PTPRM: variants seen among roughly 807,000 people sequenced by gnomAD.
PTPRM encodes receptor-type tyrosine-protein phosphatase mu.
Under a neutral mutation model 186.7 loss-of-function variants are expected in PTPRM, and 47 were observed. The observed-to-expected ratio is 0.25, with a 90% CI of 0.20 to 0.32. PTPRM has a LOEUF of 0.32. Among genes scored for constraint, PTPRM ranks in the 10% least tolerant of loss-of-function variants. The pLI, the probability that PTPRM is intolerant of heterozygous loss-of-function variation, is 1.00. For missense variants in PTPRM, 1,494 were observed against 1,865.0 expected (o/e 0.80, Z 3.66); for synonymous variants, 668 against 674.9 (o/e 0.99, Z 0.16).
At chr18:8,373,087 T>C (rs374321376) in intron 24 of PTPRM, among the ~76,000 whole-genome samples, 4 of 152,332 alleles carry the variant, frequency 2.6e-5, no homozygotes, top group African/African-American at 7.2e-5. Flanking sequence ...TGTTAATGCA[T>C]TTGGGGAAAT....
At chr18:8,351,641 G>C (rs1253890890) in intron 23 of PTPRM, among the ~76,000 whole-genome samples, 1 of 152,188 alleles carries the variant, frequency 6.6e-6, no homozygotes, top group Non-Finnish European at 1.5e-5. Flanking sequence ...CTTCAATTCT[G>C]TAGGTCATGA....
intron 5 of PTPRM, among the ~76,000 whole-genome samples, chr18:7,944,689 A>C (rs1210996991): frequency 6.6e-6 from 1 of 152,084 alleles, no homozygotes; most frequent in Non-Finnish European, 1.5e-5. Context: ...TAGTTCTCCT[A>C]AAGTTCCCCC....
In PTPRM at chr18:7,612,385, A is replaced by G. The variant is rs147787496; in HGVS notation, c.73+44494A>G. ...TCACGGCCTCATTTTTCACTGCATC[A>G]GATAATTTAAGTCTACGTTCTGGGC... On this transcript the variant is annotated intron_variant, in intron 1 of 32. Transcript: ENST00000580170. 2.8e-3 allele frequency among the ~76,000 whole-genome samples: 419 copies of G among 152,242 alleles called. 2 individuals are homozygous for G. The highest frequency in any genetic ancestry group is 9.7e-3 in the African/African-American group (403 of 41,530).
intron 14 of PTPRM, among the ~76,000 whole-genome samples, chr18:8,211,465 G>A (rs1337506770): frequency 4.8e-5 from 7 of 145,476 alleles, no homozygotes; most frequent in Non-Finnish European, 1.0e-4. Context: ...GTGCAGTGGT[G>A]TGATCTCGGC....
chr18:7,890,875 T>C (rs1025594470), intron 3 of PTPRM, among the ~76,000 whole-genome samples: 3 of 152,220 alleles, frequency 2.0e-5, no homozygotes, highest in Non-Finnish European at 4.4e-5. Flanking sequence ...CATTTAAGGT[T>C]ATGTTGTTAA....
chr18:7,855,668 C>T (rs1423071165), intron 2 of PTPRM, among the ~76,000 whole-genome samples: 1 of 152,190 alleles, frequency 6.6e-6, no homozygotes, highest in Non-Finnish European at 1.5e-5. Flanking sequence ...TGTGGATGAG[C>T]TTCTTGGTAA....
At chr18:8,094,307 A>G (rs1260596711) in intron 11 of PTPRM, among the ~76,000 whole-genome samples, 1 of 152,090 alleles carries the variant, frequency 6.6e-6, no homozygotes, top group Non-Finnish European at 1.5e-5. Flanking sequence ...CAGGAAGTCA[A>G]GGCAGCAGTG....
chr18:7,768,648 AT>A (rs5822981), intron 1 of PTPRM, among the ~76,000 whole-genome samples: 76,594 of 136,762 alleles, frequency 0.56, 21,285 homozygotes, highest in East Asian at 0.93. Context: ...ATATATATAT[AT>A]TTTTTTTTTT....
chr18:8,136,574 A>G (rs1300086184), intron 13 of PTPRM, among the ~76,000 whole-genome samples: 1 of 152,240 alleles, frequency 6.6e-6, no homozygotes, highest in African/African-American at 2.4e-5. Flanking sequence ...TACATTGTAT[A>G]TGCTCTGTTT....
intron 32 of PTPRM, chr18:8,403,770 G>A (rs534667429): frequency 6.6e-6 from 1 of 152,294 alleles, no homozygotes; most frequent in East Asian, 1.9e-4. Context: ...TCAGCTTCCA[G>A]TCTTTATAGA....
chr18:8,036,873 T>TA (rs2086367030), intron 7 of PTPRM, among the ~76,000 whole-genome samples: 1 of 152,196 alleles, frequency 6.6e-6, no homozygotes. Context: ...ACTGATGATG[T>TA]AAATACAGTT....
intron 1 of PTPRM, among the ~76,000 whole-genome samples, chr18:7,697,011 A>G (rs2039859309): frequency 6.6e-6 from 1 of 152,240 alleles, no homozygotes; most frequent in African/African-American, 2.4e-5. Context: ...CTAAAGCTGA[A>G]TGATGTCAGG....
At chr18:8,316,878 G>C (rs2095312364) in intron 21 of PTPRM, among the ~76,000 whole-genome samples, 1 of 152,130 alleles carries the variant, frequency 6.6e-6, no homozygotes, top group Non-Finnish European at 1.5e-5. Context: ...TAGATACCTG[G>C]AAGAAGAGCA....
At position 8,271,824 on chromosome 18, in the gene PTPRM, C is replaced by T. The variant is rs1261655977; in HGVS notation, c.2754+18410C>T. ...TTTGTTTCTACTCATGTTTCTTTAT[C>T]CCTTTTTCATAATTATATAGTTTAT... On this transcript the variant is annotated intron_variant, in intron 19 of 32. Transcript: ENST00000580170. Among the ~76,000 whole-genome samples, 7 of 151,984 alleles carry T rather than the reference C, an allele frequency of 4.6e-5. No homozygotes were observed. The South Asian group carries it at 1.2e-3, about 27-fold the overall frequency.
chr18:8,056,773 T>C (rs1483381204), intron 7 of PTPRM, among the ~76,000 whole-genome samples: 1 of 147,142 alleles, frequency 6.8e-6, no homozygotes, highest in Non-Finnish European at 1.5e-5. Flanking sequence ...AAATGGAACA[T>C]CTGAACATTG....
chr18:7,833,743 AAAC>A (rs150303636), intron 2 of PTPRM, among the ~76,000 whole-genome samples: 3,354 of 149,728 alleles, frequency 0.022, 42 homozygotes, highest in Middle Eastern at 0.038. Flanking sequence ...TCAGAAAGAA[AAAC>A]AACAACAACA....
At chr18:8,286,519 A>G (rs1438270609) in intron 19 of PTPRM, among the ~76,000 whole-genome samples, 1 of 152,222 alleles carries the variant, frequency 6.6e-6, no homozygotes, top group Non-Finnish European at 1.5e-5. Context: ...ACTAAGGCTG[A>G]CTGCCAAGGC....
At chr18:8,271,886 C>T (rs1465490220) in intron 19 of PTPRM, among the ~76,000 whole-genome samples, 8 of 152,046 alleles carry the variant, frequency 5.3e-5, no homozygotes, top group East Asian at 1.9e-4. Context: ...TCCTGCCAGA[C>T]GTTTGTCAGT....
At chr18:7,654,912 TAGG>T (rs2038812122) in intron 1 of PTPRM, among the ~76,000 whole-genome samples, 1 of 152,216 alleles carries the variant, frequency 6.6e-6, no homozygotes, top group Non-Finnish European at 1.5e-5. Context: ...TCTTTTTGCT[TAGG>T]ATTGCATTGG....
Sources: allele counts gnomAD v4.1 joint callset (sites outside exome capture counted in the v4.1 genomes callset), GRCh38; gene constraint gnomAD v4.1.1; transcripts MANE v1.5; gene names NCBI Gene and HGNC (gene_info 2026-07-23, HGNC 2026-07-21).